GFOD1: variants seen among roughly 807,000 people sequenced by gnomAD.
GFOD1 encodes the protein glucose-fructose oxidoreductase domain-containing protein 1.
GFOD1 carries 9 observed loss-of-function variants against 25.4 expected under a neutral mutation model. The observed-to-expected ratio is 0.35, with a 90% confidence interval of 0.21 to 0.62. GFOD1 has a LOEUF of 0.62. Among genes scored for constraint, GFOD1 ranks in the 20% least tolerant of loss-of-function variants. The probability of loss-of-function intolerance (pLI) is 0.72; values close to 1 mark genes in which losing one functional copy is unlikely to be tolerated. For missense variants in GFOD1, 403 were observed against 556.9 expected (o/e 0.72, Z 2.78); for synonymous variants, 253 against 245.6 (o/e 1.03, Z -0.28).
intron 1 of GFOD1, among the ~76,000 whole-genome samples, chr6:13,477,214 GGGGTGTGT>G (rs1294781410): frequency 4.6e-3 from 35 of 7,674 alleles, no homozygotes; most frequent in Admixed American, 0.012. Flanking sequence ...GAACCAATAG[GGGGTGTGT>G]GTGTGTGTGT....
chr6:13,409,140 A>AGAAAGAAAGAAAGAAAGAAGGAAAGAAG, intron 1 of GFOD1, among the ~76,000 whole-genome samples: 1 of 49,094 alleles, frequency 2.0e-5, no homozygotes, highest in African/African-American at 4.8e-5. Flanking sequence ...AAAGAAAGAA[A>AGAAAGAAAGAAAGAAAGAAGGAAAGAAG]GAAAGAAAGA....
intron 1 of GFOD1, chr6:13,486,299 A>G: frequency 2.7e-6 from 1 of 364,252 alleles, no homozygotes; most frequent in Non-Finnish European, 4.7e-6. Flanking sequence ...GCTGAGGAGT[A>G]ACTTTCCTCT....
chr6:13,466,273 T>C (rs543606242), intron 1 of GFOD1, among the ~76,000 whole-genome samples: 3 of 152,216 alleles, frequency 2.0e-5, no homozygotes, highest in Admixed American at 2.0e-4. Context: ...TAGAAGATAA[T>C]AGACAGAAAA....
At chr6:13,389,881 A>AT (rs976525370) in intron 1 of GFOD1, among the ~76,000 whole-genome samples, 15 of 151,988 alleles carry the variant, frequency 9.9e-5, no homozygotes, top group African/African-American at 3.1e-4. Flanking sequence ...CATGATATGC[A>AT]TTTTTTACTT....
At position 13,456,578 on chromosome 6, in the gene GFOD1, T is replaced by C. The variant is rs141446552; in HGVS notation, c.253+30060A>G. Reference sequence around the variant, plus strand: ...AAATTCAGGTTAATTTTTGAACTACTCATCACGGTCACCTCTAATCCTTTC... The same window carrying C: ...AAATTCAGGTTAATTTTTGAACTACCCATCACGGTCACCTCTAATCCTTTC... On this transcript the variant is annotated intron_variant, in intron 1 of 1. Coordinates refer to ENST00000379287, the MANE Select transcript of GFOD1 (RefSeq NM_018988.4). 4.2e-3 allele frequency among the ~76,000 whole-genome samples: 646 copies of C among 152,344 alleles called. 4 individuals are homozygous for C. Among genetic ancestry groups the C allele is most frequent in the African/African-American group, 0.015 (628 of 41,568 alleles).
chr6:13,409,934 A>G (rs1812219), intron 1 of GFOD1, among the ~76,000 whole-genome samples: 5 of 36,340 alleles, frequency 1.4e-4, no homozygotes, highest in African/African-American at 1.9e-4. Flanking sequence ...AAAAAAAAAA[A>G]AAAAAAGAAA....
At position 13,430,715 on chromosome 6, in the gene GFOD1, A is replaced by G. The variant is rs1206024298; in HGVS notation, c.253+55923T>C. 1.3e-5 allele frequency among the ~76,000 whole-genome samples: 2 copies of G among 152,088 alleles called. No homozygotes were observed. The highest frequency in any genetic ancestry group is 4.8e-5 in the African/African-American group (2 of 41,416). The stretch of plus-strand genomic sequence containing the variant: ...AGGGAAAAGTATCCTTGTGGCCTCC[A>G]GCACAGCCTCCAGACAGTGGAAACC... On this transcript the variant is annotated intron_variant, in intron 1 of 1. Coordinates refer to ENST00000379287, the MANE Select transcript of GFOD1 (RefSeq NM_018988.4). The surrounding 1 kb of genome is among the most constrained non-coding windows in gnomAD (Gnocchi z 4.1).
chr6:13,384,631 C>T (rs1785429637), intron 1 of GFOD1, among the ~76,000 whole-genome samples: 1 of 152,170 alleles, frequency 6.6e-6, no homozygotes, highest in African/African-American at 2.4e-5. Flanking sequence ...GAGAGGCCCT[C>T]AATGATCCAC....
At chr6:13,373,337 G>A (rs517803) in intron 1 of GFOD1, among the ~76,000 whole-genome samples, 82,550 of 151,944 alleles carry the variant, frequency 0.54, 22,656 homozygotes, top group East Asian at 0.68. Context: ...AGTTTGGTTC[G>A]GGTATAAAAA....
At chr6:13,462,782 A>G (rs1377763671) in intron 1 of GFOD1, among the ~76,000 whole-genome samples, 1 of 152,186 alleles carries the variant, frequency 6.6e-6, no homozygotes, top group East Asian at 1.9e-4. Context: ...CTTTACAAAC[A>G]ACACACAACA....
chr6:13,385,423 C>A (rs1785448925), intron 1 of GFOD1, among the ~76,000 whole-genome samples: 1 of 152,198 alleles, frequency 6.6e-6, no homozygotes, highest in African/African-American at 2.4e-5. Flanking sequence ...TGGTGGGAGC[C>A]TCCCTTAAAG....
chr6:13,412,208 T>C (rs1432698230), intron 1 of GFOD1, among the ~76,000 whole-genome samples: 1 of 152,184 alleles, frequency 6.6e-6, no homozygotes, highest in East Asian at 1.9e-4. Context: ...TGTGACTATA[T>C]TTGGAGACAC....
At chr6:13,439,121 C>T (rs1424909524) in intron 1 of GFOD1, among the ~76,000 whole-genome samples, 2 of 152,170 alleles carry the variant, frequency 1.3e-5, no homozygotes, top group African/African-American at 4.8e-5. Flanking sequence ...GGGGTACATT[C>T]CCCAAACCTT....
chr6:13,402,077 T>C (rs1270830077), intron 1 of GFOD1, among the ~76,000 whole-genome samples: 1 of 152,178 alleles, frequency 6.6e-6, no homozygotes, highest in African/African-American at 2.4e-5. Context: ...TGCCAAAAAA[T>C]TCAATGGGAA....
chr6:13,462,776 A>G (rs1758313485), intron 1 of GFOD1, among the ~76,000 whole-genome samples: 2 of 152,226 alleles, frequency 1.3e-5, no homozygotes, highest in Non-Finnish European at 2.9e-5. Context: ...TACTGGCTTT[A>G]CAAACAACAC....
intron 1 of GFOD1, among the ~76,000 whole-genome samples, chr6:13,446,068 G>C (rs191077308): frequency 2.8e-4 from 42 of 152,244 alleles, no homozygotes; most frequent in Admixed American, 2.4e-3. Flanking sequence ...AGAGGGAGAC[G>C]GGATCTCAAA....
At chr6:13,395,690 G>C (rs1446182438) in intron 1 of GFOD1, among the ~76,000 whole-genome samples, 2 of 152,182 alleles carry the variant, frequency 1.3e-5, no homozygotes, top group Non-Finnish European at 2.9e-5. Flanking sequence ...AGAAATGTTA[G>C]CCCTTTTCCA....
Position 13,362,041 on chromosome 6 carries a change from A to T in GFOD1, c.*2702T>A, listed in dbSNP as rs1416034213. 1 of 152,198 alleles carries T rather than the reference A, an allele frequency of 6.6e-6. No individual in the cohort carries two copies. Among genetic ancestry groups the T allele is most frequent in the Non-Finnish European group, 1.5e-5 (1 of 68,038 alleles). 9.4% of individuals were successfully genotyped at this position (152,198 alleles called of 1,614,324 possible). ...GGTTATGAATGACTTAGAAAAATGA[A>T]ACCCATTGAATCATTTTGTTTACTT... On this transcript the variant is annotated 3_prime_UTR_variant, in exon 2 of 2. Transcript: ENST00000379287.
chr6:13,477,361 G>A (rs1758651663), intron 1 of GFOD1, among the ~76,000 whole-genome samples: 1 of 152,034 alleles, frequency 6.6e-6, no homozygotes. Flanking sequence ...GAGACCCATA[G>A]AAGAGTTGAT....
Sources: gnomAD v4.1 joint callset for allele counts (sites outside exome capture counted in the v4.1 genomes callset) on GRCh38, gnomAD v4.1.1 for gene constraint, Gnocchi (gnomAD v3.1) non-coding constraint, MANE v1.5 for transcripts, NCBI Gene and HGNC (gene_info 2026-07-23, HGNC 2026-07-21) for gene names.